Variants in SYT7 observed in about 807,000 individuals in gnomAD.
SYT7 encodes synaptotagmin-7.
Under a neutral mutation model 75.1 loss-of-function variants are expected in SYT7, and 29 were observed. That is an observed-to-expected ratio of 0.39 (90% confidence interval 0.29 to 0.53). SYT7 has a LOEUF of 0.53. Ranked by LOEUF, SYT7 falls within the 20% of genes least tolerant of loss-of-function variation. SYT7 has a pLI of 0.77. For missense variants in SYT7, 693 were observed against 953.2 expected (o/e 0.73, Z 3.59); for synonymous variants, 376 against 401.7 (o/e 0.94, Z 0.76).
rs1018827880 is a variant in SYT7 at position 61,546,905 on chromosome 11, G to T, written c.347+272C>A. On this transcript the variant is annotated intron_variant, in intron 4 of 12. Transcript: ENST00000539008. This position sits in a 1 kb window ranked among gnomAD's most constrained non-coding sequence, Gnocchi z 7.6. The stretch of plus-strand genomic sequence containing the variant: ...GGTGGGGTGGGCCCCGGGACCAGCT[G>T]GGGGGGCCAGGTATGGCTGCCGAGG... Among the ~76,000 whole-genome samples, 3 of 152,084 alleles carry T rather than the reference G, an allele frequency of 2.0e-5. No homozygotes were observed. The highest frequency in any genetic ancestry group is 3.2e-3 in the Middle Eastern group (1 of 316).
rs1337191621 is a variant in SYT7 at position 61,580,719 on chromosome 11, G to A, written c.31+71C>T. The A allele has an allele frequency of 1.9e-6, 2 of 1,069,358 alleles. No individual in the cohort carries two copies. Among genetic ancestry groups the A allele is most frequent in the Non-Finnish European group, 2.4e-6 (2 of 845,666 alleles). 66.2% of individuals were successfully genotyped at this position (1,069,358 alleles called of 1,614,324 possible). A position where few individuals can be genotyped will look rare whatever the true frequency, so the allele number is the denominator to read the frequency against. Reference sequence around the variant, plus strand: ...CAACAGCCCCAGGCTGGGGCTCCGAGACGGCGTCCGGCGCTGCCGCTGTCC... The same window carrying A: ...CAACAGCCCCAGGCTGGGGCTCCGAAACGGCGTCCGGCGCTGCCGCTGTCC... On this transcript the variant is annotated intron_variant, in intron 1 of 12. Transcript: ENST00000539008. This position sits in a 1 kb window ranked among gnomAD's most constrained non-coding sequence, Gnocchi z 6.1.
chr11:61,544,828 A>C (rs1373719186), intron 5 of SYT7, among the ~76,000 whole-genome samples: 1 of 152,116 alleles, frequency 6.6e-6, no homozygotes, highest in Non-Finnish European at 1.5e-5. Flanking sequence ...CTGGGGCCAG[A>C]TGTTGGGAGA....
chr11:61,573,059 C>T (rs893553142), intron 1 of SYT7, among the ~76,000 whole-genome samples: 11 of 150,988 alleles, frequency 7.3e-5, no homozygotes, highest in Non-Finnish European at 7.3e-5. Context: ...TGCCAGTGGC[C>T]GTGGGCATGG....
At chr11:61,579,540 G>A (rs1365069859) in intron 1 of SYT7, among the ~76,000 whole-genome samples, 1 of 152,102 alleles carries the variant, frequency 6.6e-6, no homozygotes, top group Non-Finnish European at 1.5e-5. Context: ...TCGATGGGGG[G>A]TGGGAGCCGA....
chr11:61,563,482 C>G (rs2063692090), intron 1 of SYT7, among the ~76,000 whole-genome samples: 1 of 152,190 alleles, frequency 6.6e-6, no homozygotes, highest in African/African-American at 2.4e-5. Context: ...AACCTCGGAC[C>G]ATTATTATCT....
intron 7 of SYT7, among the ~76,000 whole-genome samples, chr11:61,535,446 G>A (rs2062841708): frequency 6.6e-6 from 1 of 152,242 alleles, no homozygotes; most frequent in South Asian, 2.1e-4. Flanking sequence ...AAGAGCAGTG[G>A]TGAAACGATG....
chr11:61,538,097 C>T (rs748708907), intron 7 of SYT7, 47 bp downstream of exon 7: 32 of 1,532,578 alleles, frequency 2.1e-5, no homozygotes, highest in Non-Finnish European at 2.4e-5. Context: ...CCTCTCCGCG[C>T]CTCCTTCTCT....
rs545960933 is a variant in SYT7, at chr11:61,546,520, C to T, written c.348-265G>A. 2.9e-4 allele frequency: 124 copies of T among 431,050 alleles called. 1 individual carries two copies. Among genetic ancestry groups the T allele is most frequent in the African/African-American group, 2.4e-3 (107 of 44,406 alleles). The allele number at this position is 431,050 out of a possible 1,614,324, so 26.7% of individuals were successfully genotyped here. A position where few individuals can be genotyped will look rare whatever the true frequency, so the allele number is the denominator to read the frequency against. ...GAGGGGGACCGGGCGGGCTGGGGGT[C>T]GGAGAACAACGCACCACGACAACGG... On this transcript the variant is annotated intron_variant, in intron 4 of 12. Transcript: ENST00000539008. The surrounding 1 kb of genome is among the most constrained non-coding windows in gnomAD (Gnocchi z 7.6).
chr11:61,535,022 G>A (rs973714620), intron 7 of SYT7, among the ~76,000 whole-genome samples: 3 of 152,346 alleles, frequency 2.0e-5, no homozygotes, highest in East Asian at 1.9e-4. Flanking sequence ...ACGCTGCAGC[G>A]TCGGCACAGC....
chr11:61,581,657 T>A (rs954246403), upstream of SYT7, among the ~76,000 whole-genome samples: 1 of 152,026 alleles, frequency 6.6e-6, no homozygotes, highest in Non-Finnish European at 1.5e-5. Context: ...CGCACACAGG[T>A]GGAGCCGAAA....
At chr11:61,570,307 G>A (rs188935533) in intron 1 of SYT7, among the ~76,000 whole-genome samples, 165 of 152,284 alleles carry the variant, frequency 1.1e-3, no homozygotes, top group African/African-American at 3.9e-3. Flanking sequence ...GGGGTGGCAG[G>A]CAGAAGGGAG....
At chr11:61,552,917 T>C (rs1415318457) in intron 2 of SYT7, among the ~76,000 whole-genome samples, 1 of 152,218 alleles carries the variant, frequency 6.6e-6, no homozygotes, top group Non-Finnish European at 1.5e-5. Flanking sequence ...TTCTGTTCAC[T>C]TACTTCAGCT....
Position 61,528,191 on chromosome 11 carries a change from G to C in SYT7, c.1201-6C>G, listed in dbSNP as rs1396741197. Reference sequence around the variant, plus strand: ...TCCTCGGAGCCTGGGGAGAGCTGGGGGTGGGGGAGAGGCCGGCAGGGTTTG... The same window carrying C: ...TCCTCGGAGCCTGGGGAGAGCTGGGCGTGGGGGAGAGGCCGGCAGGGTTTG... On this transcript the variant is annotated splice_polypyrimidine_tract_variant and splice_region_variant and intron_variant, in intron 8 of 12. Coordinates refer to ENST00000539008, the MANE Select transcript of SYT7 (RefSeq NM_001365809.2). 1 of 1,609,812 alleles carries C rather than the reference G, an allele frequency of 6.2e-7. No homozygotes were observed. Among genetic ancestry groups the C allele is most frequent in the Non-Finnish European group, 8.5e-7 (1 of 1,179,578 alleles).
At chr11:61,587,895 C>T in the SYT7 span, among the ~76,000 whole-genome samples, 2 of 152,146 alleles carry the variant, frequency 1.3e-5, no homozygotes, top group African/African-American at 4.8e-5. Flanking sequence ...CACGCCGGCC[C>T]AGAGGGAGGA....
intron 1 of SYT7, among the ~76,000 whole-genome samples, chr11:61,565,779 C>G (rs1399891021): frequency 1.3e-5 from 2 of 152,214 alleles, no homozygotes; most frequent in Non-Finnish European, 2.9e-5. Context: ...AAAGAGGAAG[C>G]CCAAGGGGAA....
At chr11:61,568,078 G>A (rs1275408181) in intron 1 of SYT7, among the ~76,000 whole-genome samples, 2 of 152,184 alleles carry the variant, frequency 1.3e-5, no homozygotes, top group African/African-American at 4.8e-5. Flanking sequence ...CTCCCCCAGG[G>A]CAGAGGCTCC....
At chr11:61,561,062 G>A (rs2063624682) in intron 1 of SYT7, among the ~76,000 whole-genome samples, 1 of 152,140 alleles carries the variant, frequency 6.6e-6, no homozygotes, top group Non-Finnish European at 1.5e-5. Flanking sequence ...TCCAGGCAAA[G>A]CCGCCCCAGC....
At chr11:61,528,309 C>G (rs542791991) in intron 8 of SYT7, 124 bp from the exon 9 acceptor site, 2 of 1,240,092 alleles carry the variant, frequency 1.6e-6, no homozygotes, top group South Asian at 2.9e-5. Flanking sequence ...ATCCCACGGA[C>G]GCTGCTCAGG....
chr11:61,579,111 C>T (rs1351250535), intron 1 of SYT7, among the ~76,000 whole-genome samples: 2 of 152,102 alleles, frequency 1.3e-5, no homozygotes, highest in African/African-American at 4.8e-5. Context: ...GGGCACAGCC[C>T]CAGGCCAGTG....
Sources: gnomAD v4.1 joint callset for allele counts (sites outside exome capture counted in the v4.1 genomes callset) on GRCh38, gnomAD v4.1.1 for gene constraint, Gnocchi (gnomAD v3.1) non-coding constraint, MANE v1.5 for transcripts, NCBI Gene and HGNC (gene_info 2026-07-23, HGNC 2026-07-21) for gene names.